Variants in DNAJC6 observed in about 807,000 individuals in gnomAD.
The protein encoded by DNAJC6 is auxilin.
A neutral mutation model predicts 110.0 loss-of-function variants in DNAJC6; 34 were observed. That is an observed-to-expected ratio of 0.31 (90% CI 0.24 to 0.41). The LOEUF (loss-of-function observed/expected upper bound fraction) is 0.41, where lower values mean the gene tolerates loss of function less well. DNAJC6 is among the 10% of genes least tolerant of loss of function. The pLI is 1.00. For synonymous variants in DNAJC6, 406 were observed against 437.2 expected (o/e 0.93, Z 0.89); for missense variants, 1,031 against 1,207.8 (o/e 0.85, Z 2.17).
chr1:65,296,629 T>G (rs184642599), intron 1 of DNAJC6, among the ~76,000 whole-genome samples: 1 of 138,154 alleles, frequency 7.2e-6, no homozygotes, highest in East Asian at 2.2e-4. Flanking sequence ...GCTCTGTCAC[T>G]CAGGCTGGAG....
At chr1:65,270,827 C>T (rs1653480089) in intron 1 of DNAJC6, among the ~76,000 whole-genome samples, 1 of 152,054 alleles carries the variant, frequency 6.6e-6, no homozygotes, top group Non-Finnish European at 1.5e-5. Flanking sequence ...TACAGGTGCA[C>T]ACCACCACAC....
rs1209460776 is a variant in DNAJC6, at chr1:65,405,872, A to G, written c.2230A>G (p.Ser744Gly). 2 of 1,594,986 alleles carry G rather than the reference A, an allele frequency of 1.3e-6. No individual in the cohort carries two copies. The highest frequency in any genetic ancestry group is 3.5e-5 in the Admixed American group (2 of 56,500). ...TCTTTATCTCTTTTTTTCTTTAGGT[A>G]GTTCTTCCTTTGCCAGCAAACCCAC... ...DPFADLGTLGSSSFASKPTTP... is the reference protein window; with the variant it reads ...DPFADLGTLGGSSFASKPTTP... The change falls in exon 16 of 19, where the codon AGT (serine) becomes GGT (glycine). Residue 744 changes from serine (S) to glycine (G), a missense_variant and splice_region_variant. Physicochemically the swap from Ser to Gly is moderately conservative, Grantham distance 56. Coordinates refer to ENST00000371069, the MANE Select transcript of DNAJC6 (RefSeq NM_001256864.2).
At position 65,309,703 on chromosome 1, in the gene DNAJC6, C is replaced by G; in HGVS notation, c.-43C>G. The stretch of plus-strand genomic sequence containing the variant: ...CCTTTCCACCTTCCATCTCCCTTTT[C>G]GCTTCCCAGGTTGATTATTTTCTCT... On this transcript the variant is annotated 5_prime_UTR_variant, in exon 1 of 19. Coordinates refer to ENST00000371069, the MANE Select transcript of DNAJC6 (RefSeq NM_001256864.2). The G allele has an allele frequency of 6.5e-7, 1 of 1,535,156 alleles. No individual in the cohort carries two copies. Among genetic ancestry groups the G allele is most frequent in the Non-Finnish European group, 8.8e-7 (1 of 1,140,312 alleles).
intron 1 of DNAJC6, among the ~76,000 whole-genome samples, chr1:65,338,771 G>A (rs542118227): frequency 2.6e-5 from 4 of 152,230 alleles, no homozygotes; most frequent in Non-Finnish European, 5.9e-5. Context: ...AAAATTTGGA[G>A]GTAGTACAGA....
intron 14 of DNAJC6, among the ~76,000 whole-genome samples, chr1:65,400,311 G>A (rs936311397): frequency 3.3e-5 from 5 of 152,266 alleles, no homozygotes; most frequent in Admixed American, 2.6e-4. Flanking sequence ...TTCCTCACAT[G>A]GTTATCATTT....
chr1:65,271,519 T>C (rs576173262), intron 1 of DNAJC6, among the ~76,000 whole-genome samples: 5 of 152,290 alleles, frequency 3.3e-5, no homozygotes, highest in Admixed American at 2.0e-4. Flanking sequence ...TATTTGACTC[T>C]CTGTGGCACT....
At chr1:65,348,921 C>A in intron 1 of DNAJC6, among the ~76,000 whole-genome samples, 1 of 144,112 alleles carries the variant, frequency 6.9e-6, no homozygotes, top group African/African-American at 2.5e-5. Flanking sequence ...ATATGTGGTA[C>A]GTATATTTGT....
At chr1:65,370,244 T>C (rs9326064) in intron 4 of DNAJC6, among the ~76,000 whole-genome samples, 27,007 of 152,118 alleles carry the variant, frequency 0.18, 4,719 homozygotes, top group East Asian at 0.59. Context: ...TTTAAAAAAA[T>C]TATTGTGGTA....
intron 1 of DNAJC6, among the ~76,000 whole-genome samples, chr1:65,322,020 G>A (rs1157808333): frequency 6.6e-6 from 1 of 152,212 alleles, no homozygotes; most frequent in Admixed American, 6.5e-5. Context: ...GGAGATAGGA[G>A]CCTGGCTTTG....
intron 1 of DNAJC6, among the ~76,000 whole-genome samples, chr1:65,364,319 A>G (rs1161754427): frequency 6.6e-6 from 1 of 151,590 alleles, no homozygotes; most frequent in Non-Finnish European, 1.5e-5. Context: ...TGTGTGTTTT[A>G]TATTTACTGC....
Position 65,309,792 on chromosome 1 carries a change from A to G in DNAJC6, c.47A>G (p.Tyr16Cys), listed in dbSNP as rs1645079793. 1.3e-6 allele frequency: 2 copies of G among 1,549,512 alleles called. No homozygotes were observed. The highest frequency in any genetic ancestry group is 1.7e-6 in the Non-Finnish European group (2 of 1,146,580). Residue 16 changes from tyrosine to cysteine, a missense_variant, in exon 1 of 19, where the codon TAT becomes TGT. Transcript: ENST00000371069. ...SYRKKTSNDG[Y>C]ESLQLVDSNG... ...CGGAAAAAGACCAGCAACGATGGTT[A>G]TGAATCTTTGCAGCTGGTGGACAGT... is the stretch of plus-strand genomic sequence containing the variant.
intron 1 of DNAJC6, among the ~76,000 whole-genome samples, chr1:65,294,706 AGT>A (rs66961346): frequency 0.64 from 97,261 of 151,880 alleles, 31,346 homozygotes; most frequent in East Asian, 0.79. Context: ...AGTTAAATAA[AGT>A]GTTATTAAAA....
upstream of DNAJC6, among the ~76,000 whole-genome samples, chr1:65,308,456 G>T (rs990651467): frequency 1.3e-5 from 2 of 152,080 alleles, 1 homozygote; most frequent in African/African-American, 4.8e-5. Flanking sequence ...ATTATTTTAG[G>T]TGAAAATAAA....
intron 1 of DNAJC6, among the ~76,000 whole-genome samples, chr1:65,340,825 A>T (rs1645382319): frequency 6.6e-6 from 1 of 152,118 alleles, no homozygotes; most frequent in Non-Finnish European, 1.5e-5. Flanking sequence ...GTGTTATTAC[A>T]CTTTCTATTT....
chr1:65,288,864 A>G (rs1199949627), intron 1 of DNAJC6, among the ~76,000 whole-genome samples: 1 of 152,138 alleles, frequency 6.6e-6, no homozygotes, highest in African/African-American at 2.4e-5. Context: ...TCTCATTCCT[A>G]TATAGTATTC....
chr1:65,406,262 T>G lies in DNAJC6; in HGVS notation c.2491+129T>G, dbSNP rs78739507. Reference sequence around the variant, plus strand: ...AATTCAGTAGTTTCTGAGGGAATCTTATAGTTGTAGAGATAAAACATGATT... The same window carrying G: ...AATTCAGTAGTTTCTGAGGGAATCTGATAGTTGTAGAGATAAAACATGATT... On this transcript the variant is annotated intron_variant, in intron 16 of 18. Coordinates refer to ENST00000371069, the MANE Select transcript of DNAJC6 (RefSeq NM_001256864.2). 2.1e-4 allele frequency: 273 copies of G among 1,319,502 alleles called. 3 individuals are homozygous for G. The East Asian group carries it at 6.4e-3, about 31-fold the overall frequency. The allele number at this position is 1,319,502 out of a possible 1,614,324, so 81.7% of individuals were successfully genotyped here.
At chr1:65,401,941 C>A in intron 15 of DNAJC6, 61 bp downstream of exon 15, 1 of 1,599,390 alleles carries the variant, frequency 6.3e-7, no homozygotes, top group Non-Finnish European at 8.5e-7. Flanking sequence ...AGCCTCAAAT[C>A]TCAGTCTTTG....
At chr1:65,349,150 AT>A (rs1332392739) in intron 1 of DNAJC6, among the ~76,000 whole-genome samples, 1 of 147,778 alleles carries the variant, frequency 6.8e-6, no homozygotes, top group Non-Finnish European at 1.5e-5. Flanking sequence ...AAATATATAT[AT>A]TTGGTATGTG....
intron 1 of DNAJC6, among the ~76,000 whole-genome samples, chr1:65,267,192 T>C (rs138723592): frequency 1.7e-3 from 255 of 152,236 alleles, no homozygotes; most frequent in African/African-American, 6.0e-3. Context: ...CCACCGTGCC[T>C]GGCCGGTATT....
Sources: allele counts gnomAD v4.1 joint callset (sites outside exome capture counted in the v4.1 genomes callset), GRCh38; gene constraint gnomAD v4.1.1; transcripts MANE v1.5; gene names NCBI Gene and HGNC (gene_info 2026-07-23, HGNC 2026-07-21).